Variants in GRXCR1 observed in about 807,000 individuals in gnomAD.
GRXCR1 encodes glutaredoxin and cysteine rich domain containing 1.
Under a neutral mutation model 27.3 loss-of-function variants are expected in GRXCR1, and 27 were observed. The ratio of observed to expected loss-of-function variants is 0.99; its 90% confidence interval spans 0.73 to 1.37. The LOEUF (loss-of-function observed/expected upper bound fraction) is 1.37, where lower values mean the gene tolerates loss of function less well. Ranked by LOEUF, GRXCR1 falls within the 40% of genes most tolerant of loss-of-function variation. The pLI is 0.00. For synonymous variants in GRXCR1, 122 were observed against 131.1 expected (o/e 0.93, Z 0.47); for missense variants, 379 against 354.4 (o/e 1.07, Z -0.56).
chr4:42,905,579 C>T (rs935387061), intron 1 of GRXCR1, among the ~76,000 whole-genome samples: 1 of 152,222 alleles, frequency 6.6e-6, no homozygotes, highest in South Asian at 2.1e-4. Context: ...AGACGTTTCC[C>T]GTTGTTCTGT....
At chr4:42,914,115 G>T (rs1236489347) in intron 1 of GRXCR1, among the ~76,000 whole-genome samples, 6 of 152,214 alleles carry the variant, frequency 3.9e-5, no homozygotes, top group African/African-American at 1.2e-4. Flanking sequence ...TGGGGTGGGA[G>T]CCCCCACAGA....
At chr4:42,901,988 T>G (rs987524497) in intron 1 of GRXCR1, among the ~76,000 whole-genome samples, 17 of 152,226 alleles carry the variant, frequency 1.1e-4, no homozygotes, top group African/African-American at 4.1e-4. Context: ...CTGTTTTGTG[T>G]GTTTCCTTTC....
chr4:42,918,454 T>A (rs1008106461), intron 1 of GRXCR1, among the ~76,000 whole-genome samples: 1 of 152,088 alleles, frequency 6.6e-6, no homozygotes, highest in Non-Finnish European at 1.5e-5. Context: ...TCCAGTTCCA[T>A]TTTTTGCTTC....
chr4:42,989,311 C>G (rs1018419566), intron 2 of GRXCR1, among the ~76,000 whole-genome samples: 1 of 152,066 alleles, frequency 6.6e-6, no homozygotes, highest in African/African-American at 2.4e-5. Flanking sequence ...CCTTTTCTCT[C>G]TTCCTATTGT....
chr4:42,932,051 G>A (rs1271038552), intron 1 of GRXCR1, among the ~76,000 whole-genome samples: 3 of 151,888 alleles, frequency 2.0e-5, no homozygotes, highest in South Asian at 2.1e-4. Flanking sequence ...CCACCCCCAT[G>A]ATTCAGTTAC....
intron 2 of GRXCR1, among the ~76,000 whole-genome samples, chr4:42,987,261 A>ATATAAAAT (rs1491549715): frequency 1.0e-5 from 1 of 97,274 alleles, no homozygotes; most frequent in Non-Finnish European, 2.1e-5. Context: ...ATATATATAT[A>ATATAAAAT]ATATATATAT....
intron 3 of GRXCR1, among the ~76,000 whole-genome samples, chr4:43,024,665 C>T (rs1713198787): frequency 6.6e-6 from 1 of 152,160 alleles, no homozygotes; most frequent in Non-Finnish European, 1.5e-5. Context: ...TTTCTCAACT[C>T]TGCAAATTAA....
intron 1 of GRXCR1, among the ~76,000 whole-genome samples, chr4:42,948,619 G>A (rs1031153512): frequency 2.0e-5 from 3 of 151,720 alleles, no homozygotes; most frequent in African/African-American, 7.3e-5. Flanking sequence ...CCCGCACCCT[G>A]CCGAAAGGTG....
intron 3 of GRXCR1, among the ~76,000 whole-genome samples, chr4:43,024,659 T>C (rs1713198566): frequency 6.6e-6 from 1 of 152,212 alleles, no homozygotes; most frequent in Admixed American, 6.5e-5. Flanking sequence ...GGCTTCTTTC[T>C]CAACTCTGCA....
intron 2 of GRXCR1, among the ~76,000 whole-genome samples, chr4:43,000,878 G>GGACT (rs1478529404): frequency 6.6e-6 from 1 of 151,926 alleles, no homozygotes. Context: ...CCGTATACTT[G>GGACT]GACTGTATTT....
intron 1 of GRXCR1, among the ~76,000 whole-genome samples, chr4:42,904,464 T>C (rs1746538769): frequency 6.6e-6 from 1 of 152,204 alleles, no homozygotes; most frequent in Admixed American, 6.5e-5. Context: ...GTGCTCGCTT[T>C]CTCTCCATTT....
intron 1 of GRXCR1, among the ~76,000 whole-genome samples, chr4:42,911,038 C>G (rs898334740): frequency 6.6e-6 from 1 of 152,128 alleles, no homozygotes; most frequent in Non-Finnish European, 1.5e-5. Flanking sequence ...AACTCTAACA[C>G]AGAAATCTGT....
chr4:42,985,639 A>T (rs888094139), intron 2 of GRXCR1, among the ~76,000 whole-genome samples: 1 of 151,722 alleles, frequency 6.6e-6, no homozygotes, highest in Non-Finnish European at 1.5e-5. Context: ...TATTAAATAT[A>T]TTAAAAATAA....
In GRXCR1 at chr4:43,001,198, G is replaced by C. The variant is rs10452063; in HGVS notation, c.628-19156G>C. Among the ~76,000 whole-genome samples the C allele has an allele frequency of 5.3e-5, 8 of 151,366 alleles. No individual in the cohort carries two copies. The South Asian group carries it at 1.5e-3, about 28-fold the overall frequency. ...TGTAACACTGTCCATTTTTCCCCCCGGTGTACAATTAGCTGTGTATGCAGT... is the reference window on the plus strand; with the variant it reads ...TGTAACACTGTCCATTTTTCCCCCCCGTGTACAATTAGCTGTGTATGCAGT... On this transcript the variant is annotated intron_variant, in intron 2 of 3. Transcript: ENST00000399770.
At chr4:43,026,409 A>G (rs1283132497) in intron 3 of GRXCR1, among the ~76,000 whole-genome samples, 1 of 152,078 alleles carries the variant, frequency 6.6e-6, no homozygotes, top group Admixed American at 6.5e-5. Context: ...TGGAAGATGT[A>G]GCAAGAATGA....
At chr4:42,999,947 A>G (rs1712296235) in intron 2 of GRXCR1, among the ~76,000 whole-genome samples, 1 of 152,240 alleles carries the variant, frequency 6.6e-6, no homozygotes, top group African/African-American at 2.4e-5. Flanking sequence ...GATACACAGT[A>G]TTCCCCAAAC....
intron 1 of GRXCR1, among the ~76,000 whole-genome samples, chr4:42,942,609 C>T (rs926831336): frequency 6.6e-6 from 1 of 152,208 alleles, no homozygotes; most frequent in East Asian, 1.9e-4. Flanking sequence ...TTGCAATCTG[C>T]AGTGTGTCTA....
intron 2 of GRXCR1, among the ~76,000 whole-genome samples, chr4:43,008,683 T>A (rs1000355374): frequency 1.1e-4 from 16 of 152,214 alleles, no homozygotes; most frequent in Admixed American, 2.6e-4. Context: ...GATATAATTT[T>A]AAATATTCTT....
At chr4:42,965,162 G>A (rs1169976611) in intron 2 of GRXCR1, among the ~76,000 whole-genome samples, 2 of 152,004 alleles carry the variant, frequency 1.3e-5, no homozygotes, top group Non-Finnish European at 2.9e-5. Context: ...CACAGGAAGG[G>A]TGAAACAGAC....
Sources: allele counts gnomAD v4.1 joint callset (sites outside exome capture counted in the v4.1 genomes callset), GRCh38; gene constraint gnomAD v4.1.1; transcripts MANE v1.5; gene names NCBI Gene and HGNC (gene_info 2026-07-23, HGNC 2026-07-21).